LRTM3: variants seen among roughly 807,000 people sequenced by gnomAD.
LRTM3 encodes the protein leucine rich repeat transmembrane protein 3.
At chr13:102,744,685 G>T in the LRTM3 span, 5 of 1,550,816 alleles carry the variant, frequency 3.2e-6, no homozygotes, top group Non-Finnish European at 4.4e-6. Flanking sequence ...TGAAACGGAG[G>T]TGTTGACTAT....
the LRTM3 span, chr13:102,749,029 A>G: frequency 6.4e-7 from 1 of 1,550,818 alleles, no homozygotes. Flanking sequence ...TTCTGGAATA[A>G]TTTTTAACAT....
the LRTM3 span, chr13:102,734,850 A>C: frequency 2.0e-5 from 31 of 1,551,052 alleles, 1 homozygote; most frequent in East Asian, 6.4e-4. Context: ...TGTTTGGGGA[A>C]TATTAAGATG....
chr13:102,756,311 GAAA>G, the LRTM3 span, among the ~76,000 whole-genome samples: 17 of 136,804 alleles, frequency 1.2e-4, no homozygotes, highest in African/African-American at 1.9e-4. Context: ...TCCTTAGTTC[GAAA>G]AAAAAAAAAA....
the LRTM3 span, chr13:102,739,754 G>T: frequency 6.5e-7 from 1 of 1,548,914 alleles, no homozygotes; most frequent in Non-Finnish European, 8.7e-7. Flanking sequence ...AACATTACTT[G>T]AGATCACCCC....
At chr13:102,739,245 ATTTCT>A in the LRTM3 span, 12 of 1,550,180 alleles carry the variant, frequency 7.7e-6, no homozygotes, top group Non-Finnish European at 9.6e-6. Context: ...CTAAAAAGTG[ATTTCT>A]TTCCTTTCAA....
chr13:102,739,296 C>G, the LRTM3 span: 1 of 1,549,496 alleles, frequency 6.5e-7, no homozygotes, highest in East Asian at 2.4e-5. Context: ...TCTTTCACAT[C>G]TACTATATTT....
chr13:102,736,922 G>T, the LRTM3 span: 1 of 1,551,096 alleles, frequency 6.4e-7, no homozygotes. Flanking sequence ...AAAAGATCTT[G>T]TTACTCCTTG....
the LRTM3 span, chr13:102,743,142 G>A: frequency 3.2e-6 from 5 of 1,550,350 alleles, no homozygotes; most frequent in African/African-American, 1.4e-5. Flanking sequence ...TCTGTAAGAT[G>A]TTCTTGCTTC....
chr13:102,732,998 C>T, the LRTM3 span: 2 of 1,551,408 alleles, frequency 1.3e-6, no homozygotes, highest in Non-Finnish European at 1.7e-6. Context: ...TGCCTGCTTC[C>T]TTCCCCCTTT....
chr13:102,749,372 C>G, the LRTM3 span: 15 of 1,551,376 alleles, frequency 9.7e-6, no homozygotes, highest in Non-Finnish European at 1.3e-5. Context: ...TGCTTTTACA[C>G]TCCTTAGTTG....
chr13:102,731,104 C>T, the LRTM3 span: 1 of 1,551,366 alleles, frequency 6.4e-7, no homozygotes, highest in South Asian at 1.2e-5. Flanking sequence ...GCAATAGCAT[C>T]TCACTAGCAG....
chr13:102,745,518 C>A, the LRTM3 span: 1 of 1,551,006 alleles, frequency 6.4e-7, no homozygotes, highest in Non-Finnish European at 8.7e-7. Context: ...TTCGGACCAG[C>A]ACCAGCCCTG....
chr13:102,742,411 C>T, the LRTM3 span: 3 of 1,546,906 alleles, frequency 1.9e-6, no homozygotes, highest in South Asian at 3.6e-5. Flanking sequence ...AGACACACAG[C>T]TCTTGCTGTT....
chr13:102,737,229 C>A, the LRTM3 span: 2 of 1,551,062 alleles, frequency 1.3e-6, no homozygotes, highest in South Asian at 2.4e-5. Context: ...GTTTTTACAT[C>A]ATTTGAGCTA....
At chr13:102,747,456 T>G in the LRTM3 span, 2 of 1,549,090 alleles carry the variant, frequency 1.3e-6, no homozygotes, top group Non-Finnish European at 1.7e-6. Context: ...AGTACACTTT[T>G]TGTTTCTGAT....
chr13:102,744,586 T>C, the LRTM3 span: 1 of 1,550,594 alleles, frequency 6.4e-7, no homozygotes, highest in Non-Finnish European at 8.7e-7. Flanking sequence ...TTTTTTGCAC[T>C]ATGTGAGACA....
chr13:102,746,996 TTC>T, the LRTM3 span: 1 of 1,551,250 alleles, frequency 6.4e-7, no homozygotes. Context: ...ATGCATTTCT[TTC>T]TCTGTTTTAA....
chr13:102,738,641 T>C, the LRTM3 span: 2 of 1,550,416 alleles, frequency 1.3e-6, no homozygotes, highest in Admixed American at 3.9e-5. Context: ...AGAAATACAC[T>C]TTTCATATGC....
chr13:102,746,678 GT>G, the LRTM3 span: 1 of 1,551,034 alleles, frequency 6.4e-7, no homozygotes, highest in African/African-American at 1.4e-5. Context: ...TAAAACAGGA[GT>G]GCAATAATTG....
Sources: allele counts gnomAD v4.1 joint callset (sites outside exome capture counted in the v4.1 genomes callset), GRCh38; gene constraint gnomAD v4.1.1; transcripts MANE v1.5; gene names NCBI Gene and HGNC (gene_info 2026-07-23, HGNC 2026-07-21).